Variants in GRID2 observed in about 807,000 individuals in gnomAD.
GRID2 encodes the protein glutamate receptor ionotropic, delta-2.
GRID2 carries 33 observed loss-of-function variants against 114.8 expected under a neutral mutation model. The observed-to-expected ratio is 0.29, with a 90% CI of 0.22 to 0.38. The LOEUF (loss-of-function observed/expected upper bound fraction) is 0.38, where lower values mean the gene tolerates loss of function less well. GRID2 is among the 10% of genes least tolerant of loss of function. GRID2 has a pLI of 1.00. For missense variants in GRID2, 1,184 were observed against 1,257.7 expected, an observed-to-expected ratio of 0.94 and a Z score of 0.89; for synonymous variants, 505 against 449.9, an observed-to-expected ratio of 1.12 and a Z score of -1.55.
intron 4 of GRID2, among the ~76,000 whole-genome samples, chr4:93,170,757 A>G (rs761522491): frequency 1.3e-5 from 2 of 152,084 alleles, no homozygotes; most frequent in Non-Finnish European, 2.9e-5. Flanking sequence ...TACATACCCG[A>G]CTGCCTATTG....
At chr4:93,710,414 A>G (rs1008729217) in intron 14 of GRID2, among the ~76,000 whole-genome samples, 7 of 152,136 alleles carry the variant, frequency 4.6e-5, no homozygotes, top group African/African-American at 1.7e-4. Flanking sequence ...CTCTTCCTTT[A>G]CTTTTCGCTA....
At position 93,122,890 on chromosome 4, in the gene GRID2, GT is replaced by G. The variant is rs886185779; in HGVS notation, c.735+11959del. On this transcript the variant is annotated intron_variant, in intron 4 of 15. Coordinates refer to ENST00000282020, the MANE Select transcript of GRID2 (RefSeq NM_001510.4). ...GTTACTAGTCAATCCACAGATGTGG[GT>G]TTTTTTTTTTTTTTTTTTTTTGATG... 3.7e-3 allele frequency among the ~76,000 whole-genome samples: 255 copies of G among 69,792 alleles called. 2 individuals are homozygous for G. The highest frequency in any genetic ancestry group is 0.019 in the Middle Eastern group (1 of 54). 45.8% of individuals were successfully genotyped at this position (69,792 alleles called of 152,430 possible).
At chr4:92,333,742 T>G (rs1727019322) in intron 1 of GRID2, among the ~76,000 whole-genome samples, 1 of 152,182 alleles carries the variant, frequency 6.6e-6, no homozygotes, top group African/African-American at 2.4e-5. Flanking sequence ...AACATTTCAT[T>G]TATTTAGTTA....
intron 13 of GRID2, among the ~76,000 whole-genome samples, chr4:93,531,210 G>A (rs1052287538): frequency 9.9e-5 from 15 of 152,064 alleles, no homozygotes; most frequent in Non-Finnish European, 1.5e-5. Context: ...AACAAATTTG[G>A]CATTTCCCTC....
At chr4:93,147,797 C>T (rs1406229557) in intron 4 of GRID2, among the ~76,000 whole-genome samples, 1 of 152,204 alleles carries the variant, frequency 6.6e-6, no homozygotes, top group Non-Finnish European at 1.5e-5. Context: ...ACTATTTACA[C>T]TCCTTATGAT....
intron 1 of GRID2, among the ~76,000 whole-genome samples, chr4:92,479,388 A>G (rs1722471377): frequency 6.6e-6 from 1 of 152,190 alleles, no homozygotes. Flanking sequence ...AACTGTGGTT[A>G]TATGGATTAA....
At chr4:93,735,354 C>CTGTATACAACCTAAAGAAAGTTTTA (rs1730836278) in intron 14 of GRID2, among the ~76,000 whole-genome samples, 1 of 151,938 alleles carries the variant, frequency 6.6e-6, no homozygotes, top group African/African-American at 2.4e-5. Context: ...ACCTTCTGTA[C>CTGTATACAACCTAAAGAAAGTTTTA]TGTATACAAC....
At chr4:92,508,139 C>A (rs1257179626) in intron 1 of GRID2, among the ~76,000 whole-genome samples, 1 of 151,878 alleles carries the variant, frequency 6.6e-6, no homozygotes, top group East Asian at 1.9e-4. Flanking sequence ...ATATCTTATT[C>A]TTTTTGTAAA....
At chr4:93,421,403 A>G (rs531031218) in intron 9 of GRID2, among the ~76,000 whole-genome samples, 11 of 152,320 alleles carry the variant, frequency 7.2e-5, no homozygotes, top group African/African-American at 2.6e-4. Flanking sequence ...CTAACTGTCC[A>G]TTTACTAGTT....
intron 2 of GRID2, among the ~76,000 whole-genome samples, chr4:93,026,699 A>G (rs749856754): frequency 9.2e-5 from 14 of 151,856 alleles, no homozygotes; most frequent in Non-Finnish European, 1.8e-4. Context: ...TCTTTTAGCC[A>G]TCATTTGTCC....
intron 11 of GRID2, among the ~76,000 whole-genome samples, chr4:93,487,872 A>G (rs532633081): frequency 1.3e-3 from 197 of 152,056 alleles, no homozygotes; most frequent in African/African-American, 4.7e-3. Context: ...TCCACCAACC[A>G]TTACCAACCA....
intron 2 of GRID2, among the ~76,000 whole-genome samples, chr4:92,985,608 A>G (rs1417161181): frequency 6.6e-6 from 1 of 152,164 alleles, no homozygotes; most frequent in Non-Finnish European, 1.5e-5. Flanking sequence ...CTCTCCTGAA[A>G]GCATGACAAA....
chr4:93,174,763 TA>T (rs753380737), intron 4 of GRID2, among the ~76,000 whole-genome samples: 1 of 152,126 alleles, frequency 6.6e-6, no homozygotes, highest in Non-Finnish European at 1.5e-5. Flanking sequence ...CAGTGATAAA[TA>T]AATAAATTTC....
chr4:92,877,243 A>G (rs1745697060), intron 2 of GRID2, among the ~76,000 whole-genome samples: 1 of 152,186 alleles, frequency 6.6e-6, no homozygotes, highest in African/African-American at 2.4e-5. Context: ...CACTGCATCT[A>G]AGGTAGGAAA....
chr4:92,995,411 T>A lies in GRID2; in HGVS notation c.245-89584T>A, dbSNP rs185948992. Among the ~76,000 whole-genome samples the A allele has an allele frequency of 5.3e-5, 8 of 152,348 alleles. No individual in the cohort carries two copies. The South Asian group carries it at 6.2e-4, about 12-fold the overall frequency. ...GGCACACACTGTGTTAGATGCTTTA[T>A]ATATTCTCTTTTTAATTATTTTTAC... On this transcript the variant is annotated intron_variant, in intron 2 of 15. Coordinates refer to ENST00000282020, the MANE Select transcript of GRID2 (RefSeq NM_001510.4).
At chr4:92,773,337 C>T (rs1578172777) in intron 2 of GRID2, among the ~76,000 whole-genome samples, 2 of 152,072 alleles carry the variant, frequency 1.3e-5, no homozygotes, top group African/African-American at 4.8e-5. Flanking sequence ...CCTAAAATAC[C>T]AAGATTTGGA....
intron 2 of GRID2, among the ~76,000 whole-genome samples, chr4:92,678,530 G>T (rs189851267): frequency 6.6e-6 from 1 of 151,994 alleles, no homozygotes; most frequent in East Asian, 1.9e-4. Flanking sequence ...TCTGCTACTT[G>T]GGTATGGAAA....
intron 2 of GRID2, among the ~76,000 whole-genome samples, chr4:92,643,113 G>C (rs1731441806): frequency 6.6e-6 from 1 of 151,600 alleles, no homozygotes; most frequent in African/African-American, 2.4e-5. Context: ...TTTTAGAATA[G>C]TTTTATTTTT....
intron 1 of GRID2, among the ~76,000 whole-genome samples, chr4:92,532,552 A>G (rs926553579): frequency 2.0e-5 from 3 of 152,154 alleles, no homozygotes; most frequent in African/African-American, 4.8e-5. Context: ...AGTCTTCAGT[A>G]TTCAATTATG....
Sources: allele counts gnomAD v4.1 joint callset (sites outside exome capture counted in the v4.1 genomes callset), GRCh38; gene constraint gnomAD v4.1.1; transcripts MANE v1.5; gene names NCBI Gene and HGNC (gene_info 2026-07-23, HGNC 2026-07-21).